The following CEP170B variants were observed in gnomAD, a reference collection of about 807,000 sequenced individuals.
The protein encoded by CEP170B is centrosomal protein 170B, also known as centrosomal protein of 170 kDa protein B.
In CEP170B, 55 loss-of-function variants were observed where a neutral mutation model predicts 120.6. That is an observed-to-expected ratio of 0.46 (90% CI 0.37 to 0.57). CEP170B has a LOEUF of 0.57. Ranked by LOEUF, CEP170B falls within the 20% of genes least tolerant of loss-of-function variation. The pLI is 0.00. For synonymous variants in CEP170B, 1,033 were observed against 954.5 expected, an observed-to-expected ratio of 1.08 and a Z score of -1.52; for missense variants, 2,212 against 2,253.3, an observed-to-expected ratio of 0.98 and a Z score of 0.37.
At position 104,865,955 on chromosome 14, in the gene CEP170B, C is replaced by T. The variant is rs570751738; in HGVS notation, c.-28+442C>T. 6.6e-6 allele frequency among the ~76,000 whole-genome samples: 1 copy of T among 152,338 alleles called. No individual in the cohort carries two copies. Among genetic ancestry groups the T allele is most frequent in the South Asian group, 2.1e-4 (1 of 4,830 alleles). ...CTTCGCCGCCGTCTCCCCGCTGTCCCTGCCTCTCCCGGCCTGTGCGCTCCT... is the reference window on the plus strand; with the variant it reads ...CTTCGCCGCCGTCTCCCCGCTGTCCTTGCCTCTCCCGGCCTGTGCGCTCCT... On this transcript the variant is annotated intron_variant, in intron 1 of 18. Transcript: ENST00000414716. The surrounding 1 kb of genome is among the most constrained non-coding windows in gnomAD (Gnocchi z 6.7).
chr14:104,876,982 T>C (rs1444207013), intron 3 of CEP170B, among the ~76,000 whole-genome samples: 5 of 152,180 alleles, frequency 3.3e-5, no homozygotes, highest in Admixed American at 6.5e-5. Context: ...TGGGGGCGTG[T>C]GTCTGTCCCT....
rs1219080202 is a variant in CEP170B, at chr14:104,885,551, A to C, written c.1944+9A>C. The C allele has an allele frequency of 6.5e-7, 1 of 1,549,684 alleles. No homozygotes were observed. The highest frequency in any genetic ancestry group is 2.4e-5 in the East Asian group (1 of 42,008). Reference sequence around the variant, plus strand: ...CCCAGGCGGAGCACCAGGTACAGGCACAGACGGCCACCCCAAGGAGGGGCT... The same window carrying C: ...CCCAGGCGGAGCACCAGGTACAGGCCCAGACGGCCACCCCAAGGAGGGGCT... On this transcript the variant is annotated intron_variant, in intron 10 of 18. Transcript: ENST00000414716.
rs771227643 is a variant in CEP170B, at chr14:104,883,203, C to T, written c.746C>T (p.Thr249Met). The T allele has an allele frequency of 3.9e-5, 63 of 1,610,876 alleles. No individual in the cohort carries two copies. The highest frequency in any genetic ancestry group is 2.0e-4 in the African/African-American group (15 of 74,480). ...PPEVPAHEMP[T>M]KDAEAGGGGA... ...GAGGTGCCGGCACACGAGATGCCCA[C>T]GAAGGATGCAGAGGCAGGTGGGGGC... The change falls in exon 8 of 19, where the codon ACG (threonine) becomes ATG (methionine). Residue 249 changes from threonine (T) to methionine (M), a missense_variant. By Grantham distance (81) the Thr-to-Met change is moderately conservative. Coordinates refer to ENST00000414716, the MANE Select transcript of CEP170B (RefSeq NM_001112726.3).
At position 104,887,623 on chromosome 14, in the gene CEP170B, G is replaced by A. The variant is rs751256113; in HGVS notation, c.3384G>A (p.Arg1128=). The A allele has an allele frequency of 1.3e-6, 2 of 1,571,380 alleles. No individual in the cohort carries two copies. The highest frequency in any genetic ancestry group is 1.7e-4 in the Middle Eastern group (1 of 5,960). Residue 1128 remains arginine, a synonymous_variant, in exon 12 of 19, where the codon CGG becomes CGA. Transcript: ENST00000414716. ...CCACACGGGCCTCCCGGCTGAGGCG[G>A]GCCCGGCTGGGGGACGCTTCAGACA... is the stretch of plus-strand genomic sequence containing the variant. ...PRPTRASRLR[R]ARLGDASDTE... is the part of the protein sequence containing the mutation.
In CEP170B at chr14:104,896,328, A is replaced by G. The variant is rs1192234273; in HGVS notation, c.*1370A>G. On this transcript the variant is annotated 3_prime_UTR_variant, in exon 19 of 19. Coordinates refer to ENST00000414716, the MANE Select transcript of CEP170B (RefSeq NM_001112726.3). ...CACCTGATGTTTACGTGTGTGTGTG[A>G]GGGGGGGCGGGGGTGGCAGGTGTCC... is the stretch of plus-strand genomic sequence containing the variant. The G allele has an allele frequency of 5.1e-5, 17 of 335,846 alleles. No homozygotes were observed. The highest frequency in any genetic ancestry group is 1.6e-4 in the East Asian group (2 of 12,758). 20.8% of individuals were successfully genotyped at this position (335,846 alleles called of 1,614,324 possible). A position where few individuals can be genotyped will look rare whatever the true frequency, so the allele number is the denominator to read the frequency against.
rs549904577 is a variant in CEP170B at position 104,872,230 on chromosome 14, C to T, written c.105+3675C>T. The stretch of plus-strand genomic sequence containing the variant: ...GTGCGTGTGTGTACCATGGGTGTGC[C>T]GTGCGTGTGTGCGTGTGTGTGCCAT... On this transcript the variant is annotated intron_variant, in intron 2 of 18. Transcript: ENST00000414716. Among the ~76,000 whole-genome samples the T allele has an allele frequency of 7.7e-3, 780 of 100,962 alleles. 6 individuals carry two copies. Among genetic ancestry groups the T allele is most frequent in the Middle Eastern group, 0.011 (1 of 92 alleles). 66.2% of individuals were successfully genotyped at this position (100,962 alleles called of 152,430 possible).
chr14:104,882,912 A>G (rs558061602), intron 7 of CEP170B, 80 bp downstream of exon 7: 2 of 1,489,548 alleles, frequency 1.3e-6, no homozygotes, highest in South Asian at 2.5e-5. Context: ...GGGCTTGAGG[A>G]GCCCACTCCG....
chr14:104,885,703 G>T (rs538066245), intron 10 of CEP170B, among the ~76,000 whole-genome samples, 161 bp downstream of exon 10: 1 of 152,166 alleles, frequency 6.6e-6, no homozygotes, highest in Admixed American at 6.5e-5. Flanking sequence ...AGGAGGGATC[G>T]GGGCCAGGTG....
Position 104,886,037 on chromosome 14 carries a change from C to G in CEP170B, c.1945-3C>G. 1 of 1,532,512 alleles carries G rather than the reference C, an allele frequency of 6.5e-7. No individual in the cohort carries two copies. 94.9% of individuals were successfully genotyped at this position (1,532,512 alleles called of 1,614,324 possible). A position where few individuals can be genotyped will look rare whatever the true frequency, so the allele number is the denominator to read the frequency against. On this transcript the variant is annotated splice_region_variant and splice_polypyrimidine_tract_variant and intron_variant, in intron 10 of 18. Transcript: ENST00000414716. ...GGAAACACTCCCACCCTCCTCTCCA[C>G]AGGGCCTCCCGGTGCCGGGCTCCCC...
chr14:104,894,523 T>C lies in CEP170B; in HGVS notation c.4366-14T>C, dbSNP rs1163114265. On this transcript the variant is annotated splice_polypyrimidine_tract_variant and intron_variant, in intron 17 of 18. Coordinates refer to ENST00000414716, the MANE Select transcript of CEP170B (RefSeq NM_001112726.3). The stretch of plus-strand genomic sequence containing the variant: ...CAGAAGTTGACTCCACCTCCCTTCC[T>C]GCCACGTTTCCAGGAAATCAGCTCC... The C allele has an allele frequency of 6.2e-7, 1 of 1,609,916 alleles. No homozygotes were observed.
intron 6 of CEP170B, among the ~76,000 whole-genome samples, chr14:104,881,630 G>A (rs1185162978): frequency 6.6e-6 from 1 of 152,210 alleles, no homozygotes; most frequent in Non-Finnish European, 1.5e-5. Flanking sequence ...CTGTCCCGGA[G>A]GTCATGACAG....
rs1025038234 is a variant in CEP170B, at chr14:104,891,663, G to A, written c.3879-1313G>A. Among the ~76,000 whole-genome samples the A allele has an allele frequency of 3.3e-5, 5 of 152,102 alleles. 1 individual carries two copies. In the East Asian group the frequency reaches 9.7e-4, roughly 29 times the overall value. The stretch of plus-strand genomic sequence containing the variant: ...AGAGACACTGCACCTGGCTGAGAAG[G>A]GGGTGGGTGCTTCCAGGCCTGAGAG... On this transcript the variant is annotated intron_variant, in intron 13 of 18. Coordinates refer to ENST00000414716, the MANE Select transcript of CEP170B (RefSeq NM_001112726.3). This position sits in a 1 kb window ranked among gnomAD's most constrained non-coding sequence, Gnocchi z 4.3.
chr14:104,885,980 A>G, intron 10 of CEP170B, 60 bp from the exon 11 acceptor site: 2 of 1,424,358 alleles, frequency 1.4e-6, no homozygotes, highest in African/African-American at 1.4e-5. Flanking sequence ...GTTCCCTGGC[A>G]CCCCCTGCTT....
intron 2 of CEP170B, among the ~76,000 whole-genome samples, chr14:104,871,829 C>T (rs1895499578): frequency 6.6e-6 from 1 of 152,146 alleles, no homozygotes; most frequent in African/African-American, 2.4e-5. Context: ...CGGCCCGAGG[C>T]CTGGGCTTTC....
At position 104,887,332 on chromosome 14, in the gene CEP170B, A is replaced by G; in HGVS notation, c.3093A>G (p.Ile1031Met). The G allele has an allele frequency of 1.2e-6, 2 of 1,611,318 alleles. No individual in the cohort carries two copies. Among genetic ancestry groups the G allele is most frequent in the Non-Finnish European group, 1.7e-6 (2 of 1,179,388 alleles). Residue 1031 changes from isoleucine to methionine, a missense_variant, in exon 12 of 19, where the codon ATA becomes ATG. By Grantham distance (10) the Ile-to-Met change is conservative (BLOSUM62 1). Around this residue, in one of 2 missense-constraint regions of CEP170B, gnomAD observed 2,166 missense variants for 2,166.7 expected, o/e 1.00. Transcript: ENST00000414716. ...GAGAGCCGGTACGGCGCTCAGCCAT[A>G]AGGCGTGGCCACAGGCCCCGAGGGT... Reference protein sequence around the residue: ...GRGEPVRRSAIRRGHRPRGSL... With the variant: ...GRGEPVRRSAMRRGHRPRGSL...
chr14:104,888,913 C>T (rs946316628), intron 12 of CEP170B, among the ~76,000 whole-genome samples: 2 of 152,238 alleles, frequency 1.3e-5, no homozygotes, highest in Non-Finnish European at 2.9e-5. Context: ...CCCTACCCGA[C>T]GTGGTGCACT....
At chr14:104,882,634 C>A (rs1896216590) in intron 6 of CEP170B, 94 bp from the exon 7 acceptor site, 1 of 991,980 alleles carries the variant, frequency 1.0e-6, no homozygotes, top group Non-Finnish European at 1.5e-6. Flanking sequence ...CCAGGGCCTG[C>A]CCCAGAGTCC....
Position 104,887,319 on chromosome 14 carries a change from G to A in CEP170B, c.3080G>A (p.Arg1027Gln), listed in dbSNP as rs369195788. The A allele has an allele frequency of 3.1e-5, 50 of 1,610,394 alleles. No individual in the cohort carries two copies. In the East Asian group the frequency reaches 4.7e-4, roughly 15 times the overall value. ...GACATGGGCCGTGGAGAGCCGGTAC[G>A]GCGCTCAGCCATAAGGCGTGGCCAC... ...PTDMGRGEPV[R>Q]RSAIRRGHRP... is the part of the protein sequence containing the mutation. Residue 1027 changes from arginine to glutamine, a missense_variant, in exon 12 of 19, where the codon CGG (arginine) becomes CAG (glutamine). Arg to Gln is a conservative substitution (Grantham distance 43). Transcript: ENST00000414716.
rs1487383862 is a variant in CEP170B, at chr14:104,867,023, A to G, written c.-27-1401A>G. Among the ~76,000 whole-genome samples, 4 of 151,652 alleles carry G rather than the reference A, an allele frequency of 2.6e-5. No homozygotes were observed. Among genetic ancestry groups the G allele is most frequent in the Non-Finnish European group, 5.9e-5 (4 of 67,928 alleles). ...GGCCTCACAGGTATGTGACTTGGAGACCCCCACAGAGCCCTTGCTTGGACC... is the reference window on the plus strand; with the variant it reads ...GGCCTCACAGGTATGTGACTTGGAGGCCCCCACAGAGCCCTTGCTTGGACC... On this transcript the variant is annotated intron_variant, in intron 1 of 18. Transcript: ENST00000414716. This position sits in a 1 kb window ranked among gnomAD's most constrained non-coding sequence, Gnocchi z 5.4.
Sources: gnomAD v4.1 joint callset for allele counts (sites outside exome capture counted in the v4.1 genomes callset) on GRCh38, gnomAD v4.1.1 for gene constraint, gnomAD v4.1.1 regional missense constraint, Gnocchi (gnomAD v3.1) non-coding constraint, MANE v1.5 for transcripts, NCBI Gene and HGNC (gene_info 2026-07-23, HGNC 2026-07-21) for gene names.